ZNF142: variants seen among roughly 807,000 people sequenced by gnomAD.
ZNF142 encodes zinc finger protein 142 (clone pHZ-49).
In ZNF142, 96 loss-of-function variants were observed where a neutral mutation model predicts 132.1. The observed-to-expected ratio is 0.73, with a 90% CI of 0.62 to 0.86. The LOEUF (loss-of-function observed/expected upper bound fraction) is 0.86. ZNF142 is among the 40% of genes least tolerant of loss of function. ZNF142 has a pLI of 0.00. For synonymous variants in ZNF142, 842 were observed against 890.1 expected, an observed-to-expected ratio of 0.95 and a Z score of 0.96; for missense variants, 2,163 against 2,336.2, an observed-to-expected ratio of 0.93 and a Z score of 1.53.
In ZNF142 at chr2:218,649,108, G is replaced by T. The variant is rs1212066777; in HGVS notation, c.1400C>A (p.Ala467Asp). The T allele has an allele frequency of 3.1e-6, 5 of 1,614,072 alleles. No homozygotes were observed. Among genetic ancestry groups the T allele is most frequent in the Non-Finnish European group, 4.2e-6 (5 of 1,180,050 alleles). ...GTGGCTCTTGAGGTGCTCCTTTAGG[G>T]CCTGGCTGAGGCGGAATTCCTCACG... ...VCREEFRLSQ[A>D]LKEHLKSHTA... Residue 467 changes from alanine to aspartate, a missense_variant, in exon 7 of 11, where the codon GCC becomes GAC. Coordinates refer to ENST00000411696, the MANE Select transcript of ZNF142 (RefSeq NM_001379659.1).
rs768106776 is a variant in ZNF142, at chr2:218,643,057, G to C, written c.4059C>G (p.His1353Gln). 6.4e-5 allele frequency: 102 copies of C among 1,600,596 alleles called. No homozygotes were observed. The highest frequency in any genetic ancestry group is 8.1e-5 in the Non-Finnish European group (95 of 1,172,986). The change falls in exon 9 of 11, where the codon CAC becomes CAG. Residue 1353 changes from histidine to glutamine, a missense_variant. This residue lies in a region of ZNF142 where 809 missense variants were observed against 801.7 expected (regional missense o/e 1.01). Transcript: ENST00000411696. The stretch of plus-strand genomic sequence containing the variant: ...CTGCAGTGGGGTGCCTCCGCTTCTG[G>C]TGGAGCCTTAAGGCAGTGGCAGCAG... ...TAPAATALRL[H>Q]QKRRHPTAAP... is the part of the protein sequence containing the mutation.
chr2:218,638,408 C>A lies in ZNF142; in HGVS notation c.5595G>T (p.Leu1865=). The change falls in exon 11 of 11, where the codon CTG becomes CTT. Residue 1865 remains leucine (L), a synonymous_variant. Coordinates refer to ENST00000411696, the MANE Select transcript of ZNF142 (RefSeq NM_001379659.1). ...GKDPTTPTVH[L]HDVQLEDPSP... ...TGGGATCCTCCAGCTGCACATCATG[C>A]AGGTGCACTGTGGGGGTGGTGGGGT... is the stretch of plus-strand genomic sequence containing the variant. 6.5e-7 allele frequency: 1 copy of A among 1,548,486 alleles called. No homozygotes were observed. The highest frequency in any genetic ancestry group is 8.8e-7 in the Non-Finnish European group (1 of 1,142,562).
chr2:218,650,686 T>G (rs575116577), intron 5 of ZNF142, among the ~76,000 whole-genome samples, 160 bp from the exon 6 acceptor site: 1 of 152,178 alleles, frequency 6.6e-6, no homozygotes, highest in Non-Finnish European at 1.5e-5. Context: ...AAGATGAAAA[T>G]AGGAGGACGA....
intron 9 of ZNF142, among the ~76,000 whole-genome samples, 161 bp from the exon 10 acceptor site, chr2:218,640,930 A>G (rs914590096): frequency 6.7e-5 from 9 of 135,152 alleles, no homozygotes; most frequent in African/African-American, 2.4e-4. Flanking sequence ...CTTGCTAGGG[A>G]TTTTTTTTTT....
At chr2:218,646,077 G>T (rs745719471) in intron 8 of ZNF142, 94 bp downstream of exon 8, 2 of 1,515,042 alleles carry the variant, frequency 1.3e-6, no homozygotes, top group South Asian at 1.3e-5. Context: ...TCCAGGGACC[G>T]GAGAAAGAAA....
At chr2:218,654,200 C>T (rs1938270439) in intron 4 of ZNF142, among the ~76,000 whole-genome samples, 1 of 152,138 alleles carries the variant, frequency 6.6e-6, no homozygotes, top group Admixed American at 6.5e-5. Context: ...TGCATTCCTA[C>T]AGTGGAATTA....
At chr2:218,640,184 G>C (rs1697070399) in intron 10 of ZNF142, among the ~76,000 whole-genome samples, 1 of 152,018 alleles carries the variant, frequency 6.6e-6, no homozygotes, top group African/African-American at 2.4e-5. Context: ...TCCACATAGG[G>C]GGATCAGATG....
Position 218,642,056 on chromosome 2 carries a change from T to TAGGGGCAG in ZNF142, c.5052_5059dup (p.Tyr1687SerfsTer40). The TAGGGGCAG allele has an allele frequency of 6.2e-7, 1 of 1,614,122 alleles. No individual in the cohort carries two copies. Among genetic ancestry groups the TAGGGGCAG allele is most frequent in the Non-Finnish European group, 8.5e-7 (1 of 1,179,996 alleles). On this transcript the variant is annotated frameshift_variant, in exon 9 of 11. Transcript: ENST00000411696. LOFTEE classifies it high-confidence loss of function. The surrounding 1 kb of genome is among the most constrained non-coding windows in gnomAD (Gnocchi z 4.6). ...GAGACGAGAGGGATCAGCACAGGCA[T>TAGGGGCAG]AGGGGCAGAGGTGACAGTGGTAAGG...
intron 4 of ZNF142, among the ~76,000 whole-genome samples, chr2:218,653,518 C>T (rs927219522): frequency 1.3e-5 from 2 of 151,260 alleles, no homozygotes; most frequent in Non-Finnish European, 2.9e-5. Context: ...TGGGTTGCAG[C>T]GAGCCAAGAT....
At chr2:218,652,438 C>A (rs1938096622) in intron 4 of ZNF142, 138 bp from the exon 5 acceptor site, 1 of 390,436 alleles carries the variant, frequency 2.6e-6, no homozygotes, top group Non-Finnish European at 5.1e-6. Flanking sequence ...GGTCCTACAC[C>A]TGGACTGTAG....
intron 3 of ZNF142, among the ~76,000 whole-genome samples, chr2:218,658,237 GAAAA>G (rs1213952406): frequency 6.6e-6 from 1 of 151,968 alleles, no homozygotes; most frequent in Non-Finnish European, 1.5e-5. Context: ...GATGCAAAAA[GAAAA>G]AAAGAAGAAG....
At position 218,636,713 on chromosome 2, in the gene ZNF142, A is replaced by T. The variant is rs1023817204; in HGVS notation, c.*1626T>A. On this transcript the variant is annotated 3_prime_UTR_variant, in exon 11 of 11. Coordinates refer to ENST00000411696, the MANE Select transcript of ZNF142 (RefSeq NM_001379659.1). ...GCATTCCTAGGCACAAAATTACCTC[A>T]TTCTTCCTAACAAGCAATCTGGGAC... 2 of 919,998 alleles carry T rather than the reference A, an allele frequency of 2.2e-6. No homozygotes were observed. Among genetic ancestry groups the T allele is most frequent in the Non-Finnish European group, 3.3e-6 (2 of 599,192 alleles). 57.0% of individuals were successfully genotyped at this position (919,998 alleles called of 1,614,324 possible).
chr2:218,647,219 C>A (rs1230665040), intron 7 of ZNF142, among the ~76,000 whole-genome samples: 1 of 151,546 alleles, frequency 6.6e-6, no homozygotes, highest in South Asian at 2.1e-4. Flanking sequence ...GTCAGGAGAT[C>A]GAGACCATCC....
chr2:218,635,886 C>T lies in ZNF142; in HGVS notation c.*2453G>A, dbSNP rs773173607. 3.9e-5 allele frequency: 63 copies of T among 1,613,802 alleles called. No individual in the cohort carries two copies. Among genetic ancestry groups the T allele is most frequent in the Non-Finnish European group, 5.2e-5 (61 of 1,179,900 alleles). ...GGTGAAAGTGCAGATCTTTGGCGTTCGTCTAGACACAGCACGGCAGGAGAC... is the reference window on the plus strand; with the variant it reads ...GGTGAAAGTGCAGATCTTTGGCGTTTGTCTAGACACAGCACGGCAGGAGAC... On this transcript the variant is annotated 3_prime_UTR_variant, in exon 11 of 11. Coordinates refer to ENST00000411696, the MANE Select transcript of ZNF142 (RefSeq NM_001379659.1).
At position 218,637,113 on chromosome 2, in the gene ZNF142, T is replaced by G. The variant is rs1274188345; in HGVS notation, c.*1226A>C. 1.2e-5 allele frequency: 4 copies of G among 333,626 alleles called. No individual in the cohort carries two copies. Among genetic ancestry groups the G allele is most frequent in the Non-Finnish European group, 5.9e-6 (1 of 169,348 alleles). The allele number at this position is 333,626 out of a possible 1,614,324, so 20.7% of individuals were successfully genotyped here. A position where few individuals can be genotyped will look rare whatever the true frequency, so the allele number is the denominator to read the frequency against. ...CTCTTAAGAGAACACTGCACAGCACTCAAAGTCCCCCACTGGACTGCTTCC... is the reference window on the plus strand; with the variant it reads ...CTCTTAAGAGAACACTGCACAGCACGCAAAGTCCCCCACTGGACTGCTTCC... On this transcript the variant is annotated 3_prime_UTR_variant, in exon 11 of 11. Coordinates refer to ENST00000411696, the MANE Select transcript of ZNF142 (RefSeq NM_001379659.1).
At position 218,635,828 on chromosome 2, in the gene ZNF142, C is replaced by T. The variant is rs752181231; in HGVS notation, c.*2511G>A. 7.1e-5 allele frequency: 114 copies of T among 1,613,508 alleles called. No individual in the cohort carries two copies. Among genetic ancestry groups the T allele is most frequent in the Non-Finnish European group, 9.4e-5 (111 of 1,179,752 alleles). On this transcript the variant is annotated 3_prime_UTR_variant, in exon 11 of 11. Coordinates refer to ENST00000411696, the MANE Select transcript of ZNF142 (RefSeq NM_001379659.1). ...GCGGTCAGCAACTCCCCAAAGTGGACAAGACCAAAGAGGGGTCCATTGTGG... is the reference window on the plus strand; with the variant it reads ...GCGGTCAGCAACTCCCCAAAGTGGATAAGACCAAAGAGGGGTCCATTGTGG...
In ZNF142 at chr2:218,646,323, C is replaced by T; in HGVS notation, c.1899G>A (p.Leu633=). 5 of 1,614,202 alleles carry T rather than the reference C, an allele frequency of 3.1e-6. No individual in the cohort carries two copies. Among genetic ancestry groups the T allele is most frequent in the South Asian group, 1.1e-5 (1 of 91,088 alleles). ...TCACGTCTCGGCATGTGAAGTCACA[C>T]AGCTCACACTTGTGGGGCTTCTCAC... The part of the protein sequence containing the change: ...HTGEKPHKCE[L]CDFTCRDVSY... The change falls in exon 8 of 11, where the codon CTG becomes CTA. Residue 633 remains leucine (L), a synonymous_variant. Transcript: ENST00000411696.
At chr2:218,648,549 A>G in intron 7 of ZNF142, 86 bp downstream of exon 7, 1 of 1,362,286 alleles carries the variant, frequency 7.3e-7, no homozygotes, top group Middle Eastern at 2.1e-4. Context: ...TTTGGGTCAA[A>G]TGAGAAAACG....
chr2:218,638,143 C>T lies in ZNF142; in HGVS notation c.*196G>A, dbSNP rs940426833. On this transcript the variant is annotated 3_prime_UTR_variant, in exon 11 of 11. Coordinates refer to ENST00000411696, the MANE Select transcript of ZNF142 (RefSeq NM_001379659.1). ...GCAATGTACAGCAATAAGAAATCAACGTTATAGTCCATGTCCCTCTTTTAT... is the reference window on the plus strand; with the variant it reads ...GCAATGTACAGCAATAAGAAATCAATGTTATAGTCCATGTCCCTCTTTTAT... 2.0e-5 allele frequency: 9 copies of T among 449,332 alleles called. No homozygotes were observed. The highest frequency in any genetic ancestry group is 6.1e-5 in the African/African-American group (3 of 49,552). 27.8% of individuals were successfully genotyped at this position (449,332 alleles called of 1,614,324 possible).
Sources: gnomAD v4.1 joint callset for allele counts (sites outside exome capture counted in the v4.1 genomes callset) on GRCh38, gnomAD v4.1.1 for gene constraint, gnomAD v4.1.1 regional missense constraint, Gnocchi (gnomAD v3.1) non-coding constraint, MANE v1.5 for transcripts, NCBI Gene and HGNC (gene_info 2026-07-23, HGNC 2026-07-21) for gene names.